LDB1: variants seen among roughly 807,000 people sequenced by gnomAD.
LDB1 encodes LIM domain-binding protein 1.
In LDB1, 6 loss-of-function variants were observed where a neutral mutation model predicts 49.7. The ratio of observed to expected loss-of-function variants is 0.12; its 90% confidence interval spans 0.07 to 0.24. The LOEUF (loss-of-function observed/expected upper bound fraction) is 0.24, where lower values mean the gene tolerates loss of function less well. LDB1 is among the 10% of genes least tolerant of loss of function. The probability of loss-of-function intolerance (pLI) is 1.00; values close to 1 mark genes in which losing one functional copy is unlikely to be tolerated. For synonymous variants in LDB1, 233 were observed against 202.0 expected (o/e 1.15, Z -1.30); for missense variants, 341 against 561.7 (o/e 0.61, Z 3.97).
chr10:102,106,541 C>CAAAAAAAAA lies in LDB1; in HGVS notation c.*1543_*1551dup, dbSNP rs558516308. 1.1e-4 allele frequency among the ~76,000 whole-genome samples: 2 copies of CAAAAAAAAA among 17,784 alleles called. 1 individual carries two copies. Among genetic ancestry groups the CAAAAAAAAA allele is most frequent in the Non-Finnish European group, 2.1e-4 (2 of 9,522 alleles). The allele number at this position is 17,784 out of a possible 152,430, so 11.7% of individuals were successfully genotyped here. A position where few individuals can be genotyped will look rare whatever the true frequency, so the allele number is the denominator to read the frequency against. On this transcript the variant is annotated 3_prime_UTR_variant, in exon 11 of 11. Coordinates refer to ENST00000673968, the MANE Select transcript of LDB1 (RefSeq NM_001113407.3). ...GGTACCATACATGACTCAAATGGCC[C>CAAAAAAAAA]AAAAAAAAAAAAAAAAAAAAAAAAA... is the stretch of plus-strand genomic sequence containing the variant.
rs554887958 is a variant in LDB1, at chr10:102,116,296, C to T, written c.25+3790G>A. On this transcript the variant is annotated intron_variant, in intron 1 of 10. Coordinates refer to ENST00000673968, the MANE Select transcript of LDB1 (RefSeq NM_001113407.3). ...TCCTGGGTTCAAGCGATTCTCCTGC[C>T]TCAGCCTCCTGAGTAGCTGAGATTA... 3.3e-5 allele frequency among the ~76,000 whole-genome samples: 5 copies of T among 152,320 alleles called. No homozygotes were observed. The East Asian group carries it at 7.7e-4, about 23-fold the overall frequency.
chr10:102,114,355 C>A, intron 1 of LDB1: 1 of 986,302 alleles, frequency 1.0e-6, no homozygotes, highest in Non-Finnish European at 1.2e-6. Context: ...CCGGGCCGGG[C>A]TGAGGGCCTT....
chr10:102,111,199 C>T (rs572467715), intron 3 of LDB1, 55 bp from the exon 4 acceptor site: 5 of 1,611,570 alleles, frequency 3.1e-6, no homozygotes, highest in Non-Finnish European at 4.2e-6. Context: ...CCCTCCACCC[C>T]CTACCTCGGC....
At chr10:102,108,988 G>A (rs1008692533) in intron 10 of LDB1, 41 bp downstream of exon 10, 3 of 1,613,864 alleles carry the variant, frequency 1.9e-6, no homozygotes, top group East Asian at 2.2e-5. Context: ...GGGGTGAGTG[G>A]TGGGGCAGCC....
intron 1 of LDB1, among the ~76,000 whole-genome samples, chr10:102,116,655 G>A (rs1369269910): frequency 1.3e-5 from 2 of 152,122 alleles, no homozygotes; most frequent in South Asian, 2.1e-4. Context: ...TACACACCCC[G>A]ATCATTTATT....
intron 1 of LDB1, among the ~76,000 whole-genome samples, chr10:102,112,490 G>A (rs1429064583): frequency 2.6e-5 from 4 of 152,184 alleles, no homozygotes; most frequent in Non-Finnish European, 5.9e-5. Context: ...AGGAGGGCAA[G>A]GGATGGAAAG....
intron 6 of LDB1, 122 bp from the exon 7 acceptor site, chr10:102,110,165 T>C: frequency 9.3e-7 from 1 of 1,071,266 alleles, no homozygotes; most frequent in Non-Finnish European, 1.3e-6. Flanking sequence ...ACCTGCACAT[T>C]AAATCTGGGT....
chr10:102,108,861 G>A (rs2068208499), intron 10 of LDB1, 168 bp downstream of exon 10: 1 of 844,330 alleles, frequency 1.2e-6, no homozygotes, highest in Non-Finnish European at 1.9e-6. Flanking sequence ...ACCCATGCAA[G>A]TGCCTGACAA....
chr10:102,108,856 T>G, intron 10 of LDB1, 173 bp downstream of exon 10: 1 of 803,538 alleles, frequency 1.2e-6, no homozygotes, highest in Non-Finnish European at 2.1e-6. Flanking sequence ...ATCACACCCA[T>G]GCAAGTGCCT....
chr10:102,111,386 G>A, intron 2 of LDB1, 48 bp downstream of exon 2: 1 of 1,600,582 alleles, frequency 6.2e-7, no homozygotes, highest in Non-Finnish European at 8.6e-7. Flanking sequence ...TTTCCAGGCA[G>A]GATCCCACCT....
rs1300232941 is a variant in LDB1 at position 102,109,549 on chromosome 10, G to A, written c.733-42C>T. The A allele has an allele frequency of 6.2e-7, 1 of 1,614,126 alleles. No homozygotes were observed. The highest frequency in any genetic ancestry group is 1.7e-5 in the Admixed American group (1 of 60,010). Reference sequence around the variant, plus strand: ...AGGTGGCTTGTCAGGGGACAGACATGGAGCCGAGACTAAATGGACTGGGGC... The same window carrying A: ...AGGTGGCTTGTCAGGGGACAGACATAGAGCCGAGACTAAATGGACTGGGGC... On this transcript the variant is annotated intron_variant, in intron 8 of 10. Transcript: ENST00000673968. The surrounding 1 kb of genome is among the most constrained non-coding windows in gnomAD (Gnocchi z 5.8).
In LDB1 at chr10:102,109,580, C is replaced by G; in HGVS notation, c.732+20G>C. ...GAGACTAAATGGACTGGGGCAGAAA[C>G]TGGGTGGTCGGAGACTCACTCGGAG... On this transcript the variant is annotated intron_variant, in intron 8 of 10. Transcript: ENST00000673968. This position sits in a 1 kb window ranked among gnomAD's most constrained non-coding sequence, Gnocchi z 5.8. 1.9e-6 allele frequency: 3 copies of G among 1,614,044 alleles called. No homozygotes were observed. Among genetic ancestry groups the G allele is most frequent in the Non-Finnish European group, 2.5e-6 (3 of 1,179,962 alleles).
chr10:102,113,652 A>G (rs2068287574), intron 1 of LDB1, among the ~76,000 whole-genome samples: 1 of 151,664 alleles, frequency 6.6e-6, no homozygotes, highest in Non-Finnish European at 1.5e-5. Context: ...CCTTTCTCCC[A>G]TAGCTTAACC....
Position 102,107,146 on chromosome 10 carries a change from C to T in LDB1, c.*947G>A, listed in dbSNP as rs1369493032. 1.3e-5 allele frequency among the ~76,000 whole-genome samples: 2 copies of T among 152,158 alleles called. No individual in the cohort carries two copies. The highest frequency in any genetic ancestry group is 1.3e-4 in the Admixed American group (2 of 15,278). Reference sequence around the variant, plus strand: ...GGCTGCTCCCTTCTCTCCACGCTCCCTAAGGGAAGGAGCCTCCCCTCCCCG... The same window carrying T: ...GGCTGCTCCCTTCTCTCCACGCTCCTTAAGGGAAGGAGCCTCCCCTCCCCG... On this transcript the variant is annotated 3_prime_UTR_variant, in exon 11 of 11. Coordinates refer to ENST00000673968, the MANE Select transcript of LDB1 (RefSeq NM_001113407.3).
chr10:102,108,170 T>G lies in LDB1; in HGVS notation c.1159A>C (p.Asn387His). 6.2e-7 allele frequency: 1 copy of G among 1,614,102 alleles called. No individual in the cohort carries two copies. Among genetic ancestry groups the G allele is most frequent in the Non-Finnish European group, 8.5e-7 (1 of 1,179,990 alleles). The change falls in exon 11 of 11, where the codon AAC becomes CAC. Residue 387 changes from asparagine (N) to histidine (H), a missense_variant. By Grantham distance (68) the Asn-to-His change is moderately conservative (BLOSUM62 1). Coordinates refer to ENST00000673968, the MANE Select transcript of LDB1 (RefSeq NM_001113407.3). The part of the protein sequence containing the change: ...SFNNSPALGA[N>H]SPWNSKPPSS... ...GGAGGCTTGCTGTTCCAGGGGCTGT[T>G]GGCGCCCAGTGCAGGGGAGTTGTTA...
intron 6 of LDB1, 23 bp from the exon 7 acceptor site, chr10:102,110,066 C>T: frequency 6.2e-7 from 1 of 1,605,620 alleles, no homozygotes; most frequent in Non-Finnish European, 8.5e-7. Context: ...TTGTCAGAAC[C>T]CTGCCCCCTC....
At chr10:102,114,322 C>A (rs2068300215) in intron 1 of LDB1, 1 of 985,658 alleles carries the variant, frequency 1.0e-6, no homozygotes, top group Non-Finnish European at 1.2e-6. Context: ...TGGGGCACCT[C>A]TCCCCCAGCC....
At chr10:102,108,837 G>A in intron 10 of LDB1, 192 bp downstream of exon 10, 1 of 698,116 alleles carries the variant, frequency 1.4e-6, no homozygotes, top group Non-Finnish European at 2.5e-6. Flanking sequence ...CTATGGCTGA[G>A]TCTGTGTGAT....
Position 102,120,243 on chromosome 10 carries a change from C to G in LDB1, c.-133G>C. ...GCCGCCGGCCCGGCCCGGCCTCGGC[C>G]CGGTGCGGGCGGCCCCTGGCTGCGG... On this transcript the variant is annotated 5_prime_UTR_variant, in exon 1 of 11. Transcript: ENST00000673968. 3.1e-6 allele frequency: 3 copies of G among 982,868 alleles called. No individual in the cohort carries two copies. The highest frequency in any genetic ancestry group is 9.1e-5 in the South Asian group (2 of 21,980). The allele number at this position is 982,868 out of a possible 1,614,324, so 60.9% of individuals were successfully genotyped here. A position where few individuals can be genotyped will look rare whatever the true frequency, so the allele number is the denominator to read the frequency against.
Sources: gnomAD v4.1 joint callset for allele counts (sites outside exome capture counted in the v4.1 genomes callset) on GRCh38, gnomAD v4.1.1 for gene constraint, Gnocchi (gnomAD v3.1) non-coding constraint, MANE v1.5 for transcripts, NCBI Gene and HGNC (gene_info 2026-07-23, HGNC 2026-07-21) for gene names.